NDUFA10: variants seen among roughly 807,000 people sequenced by gnomAD.
NDUFA10 encodes the protein NADH dehydrogenase [ubiquinone] 1 alpha subcomplex subunit 10, mitochondrial.
A neutral mutation model predicts 47.8 loss-of-function variants in NDUFA10; 40 were observed. The observed-to-expected ratio is 0.84, with a 90% confidence interval of 0.65 to 1.09. The LOEUF (loss-of-function observed/expected upper bound fraction) is 1.09, where lower values mean the gene tolerates loss of function less well. Ranked by LOEUF, NDUFA10 falls within the 50% of genes least tolerant of loss-of-function variation. NDUFA10 has a pLI of 0.00. For missense variants in NDUFA10, 413 were observed against 451.1 expected, an observed-to-expected ratio of 0.92 and a Z score of 0.76; for synonymous variants, 183 against 172.2, an observed-to-expected ratio of 1.06 and a Z score of -0.49.
intron 8 of NDUFA10, among the ~76,000 whole-genome samples, chr2:240,003,827 G>A (rs997438055): frequency 6.6e-5 from 10 of 152,140 alleles, no homozygotes; most frequent in African/African-American, 2.2e-4. Flanking sequence ...TGAGATTCCC[G>A]GGTGGCCAGC....
In NDUFA10 at chr2:239,959,172, G is replaced by A. The variant is rs1574809136; in HGVS notation, c.*1946C>T. The stretch of plus-strand genomic sequence containing the variant: ...TTACATACTTCCCACTCCATCAAGG[G>A]AATGCAACCACACAGGGTCAGACGC... On this transcript the variant is annotated 3_prime_UTR_variant, in exon 10 of 10. Coordinates refer to ENST00000252711, the MANE Select transcript of NDUFA10 (RefSeq NM_004544.4). 10 of 985,396 alleles carry A rather than the reference G, an allele frequency of 1.0e-5. No individual in the cohort carries two copies. The highest frequency in any genetic ancestry group is 9.6e-6 in the Non-Finnish European group (8 of 829,928). 61.0% of individuals were successfully genotyped at this position (985,396 alleles called of 1,614,324 possible). A position where few individuals can be genotyped will look rare whatever the true frequency, so the allele number is the denominator to read the frequency against.
intron 8 of NDUFA10, among the ~76,000 whole-genome samples, chr2:240,000,450 A>G (rs1160391445): frequency 6.6e-6 from 1 of 152,266 alleles, no homozygotes; most frequent in Non-Finnish European, 1.5e-5. Flanking sequence ...ATCAGAAAAT[A>G]CTTCTAGAAT....
intron 4 of NDUFA10, among the ~76,000 whole-genome samples, chr2:239,916,298 GACAC>G (rs1336321690): frequency 2.0e-5 from 3 of 149,096 alleles, no homozygotes; most frequent in South Asian, 2.1e-4. Context: ...CAAATATACA[GACAC>G]ACACAGACAC....
In NDUFA10 at chr2:239,960,447, G is replaced by A; in HGVS notation, c.*671C>T. The A allele has an allele frequency of 1.0e-6, 1 of 988,750 alleles. No individual in the cohort carries two copies. The highest frequency in any genetic ancestry group is 1.2e-6 in the Non-Finnish European group (1 of 831,828). 61.2% of individuals were successfully genotyped at this position (988,750 alleles called of 1,614,324 possible). The stretch of plus-strand genomic sequence containing the variant: ...TAAGCTCAAATCTCCCTTCAAAGGA[G>A]TTTGAGACGCTGAGGACGGCCACGT... On this transcript the variant is annotated 3_prime_UTR_variant, in exon 10 of 10. Transcript: ENST00000252711.
intron 8 of NDUFA10, among the ~76,000 whole-genome samples, chr2:239,991,085 G>C (rs571988658): frequency 6.6e-6 from 1 of 152,156 alleles, no homozygotes. Context: ...TTGTGAGACA[G>C]TCCAGGCCCA....
At chr2:239,956,741 C>T (rs761748959), downstream of NDUFA10, among the ~76,000 whole-genome samples, 2 of 152,124 alleles carry the variant, frequency 1.3e-5, no homozygotes, top group Non-Finnish European at 1.5e-5. Flanking sequence ...CAAACGCGCT[C>T]GTTCTGGTGG....
downstream of NDUFA10, among the ~76,000 whole-genome samples, chr2:239,955,384 TA>T (rs1694633396): frequency 2.6e-5 from 4 of 152,168 alleles, no homozygotes. Flanking sequence ...GAAGGACCAT[TA>T]GACAGCCGTC....
At chr2:239,998,384 T>A (rs1303851151) in intron 8 of NDUFA10, among the ~76,000 whole-genome samples, 4 of 152,176 alleles carry the variant, frequency 2.6e-5, no homozygotes, top group Non-Finnish European at 5.9e-5. Flanking sequence ...AAACCACATC[T>A]CCTAGGTTCG....
chr2:240,002,182 T>A (rs1696746773), intron 8 of NDUFA10, among the ~76,000 whole-genome samples: 1 of 151,868 alleles, frequency 6.6e-6, no homozygotes, highest in Admixed American at 6.5e-5. Context: ...ATACAAAAAA[T>A]TAGCCGGGTA....
intron 8 of NDUFA10, among the ~76,000 whole-genome samples, chr2:240,004,903 C>G (rs1289979969): frequency 6.6e-6 from 1 of 152,212 alleles, no homozygotes; most frequent in African/African-American, 2.4e-5. Flanking sequence ...TATTTGTTTA[C>G]TCTGTCTCAC....
rs541106551 is a variant in NDUFA10 at position 240,008,390 on chromosome 2, G to A, written c.750-1020C>T. Among the ~76,000 whole-genome samples the A allele has an allele frequency of 9.8e-5, 15 of 152,300 alleles. 1 individual carries two copies. In the South Asian group the frequency reaches 3.1e-3, roughly 32 times the overall value. Reference sequence around the variant, plus strand: ...AGTAACTTACTGCATTTGCCATTAGGGCTGGCAAGGAAAAGGCCACACTAA... The same window carrying A: ...AGTAACTTACTGCATTTGCCATTAGAGCTGGCAAGGAAAAGGCCACACTAA... On this transcript the variant is annotated intron_variant, in intron 6 of 9. Coordinates refer to ENST00000252711, the MANE Select transcript of NDUFA10 (RefSeq NM_004544.4).
chr2:239,932,626 CTGGAGTGCAG>C (rs2106374148), intron 4 of NDUFA10, among the ~76,000 whole-genome samples: 1 of 152,076 alleles, frequency 6.6e-6, no homozygotes, highest in East Asian at 1.9e-4. Flanking sequence ...GTCGCCCAGG[CTGGAGTGCAG>C]TGGTGGGATC....
intron 1 of NDUFA10, among the ~76,000 whole-genome samples, chr2:240,023,056 G>T (rs537046364): frequency 6.6e-6 from 1 of 152,048 alleles, no homozygotes; most frequent in African/African-American, 2.4e-5. Flanking sequence ...TGACTCTGTC[G>T]GCACCCTCAC....
chr2:239,935,697 T>C (rs1694253583), intron 4 of NDUFA10, among the ~76,000 whole-genome samples: 2 of 152,200 alleles, frequency 1.3e-5, no homozygotes, highest in Admixed American at 6.5e-5. Context: ...TGGTTTCCCC[T>C]ATACTGTTCT....
At chr2:239,964,707 G>A (rs1023678273) in intron 9 of NDUFA10, among the ~76,000 whole-genome samples, 1 of 152,166 alleles carries the variant, frequency 6.6e-6, no homozygotes, top group African/African-American at 2.4e-5. Flanking sequence ...CACTGCCGGC[G>A]AGGACACCTC....
downstream of NDUFA10, among the ~76,000 whole-genome samples, chr2:239,953,010 G>A (rs1694582222): frequency 6.6e-6 from 1 of 152,220 alleles, no homozygotes; most frequent in African/African-American, 2.4e-5. Flanking sequence ...GTCTCCACAG[G>A]GCCTTCTTGT....
intron 4 of NDUFA10, among the ~76,000 whole-genome samples, chr2:239,899,812 A>T (rs1693510450): frequency 6.6e-6 from 1 of 151,648 alleles, no homozygotes; most frequent in Non-Finnish European, 1.5e-5. Flanking sequence ...CATCCAGCAC[A>T]CAAAACCCAT....
intron 9 of NDUFA10, among the ~76,000 whole-genome samples, chr2:239,975,090 C>T (rs1266510858): frequency 6.6e-6 from 1 of 152,136 alleles, no homozygotes; most frequent in Admixed American, 6.5e-5. Context: ...ATATGTGACA[C>T]TCCGCCACCA....
At chr2:239,982,141 AC>A (rs1695803055) in intron 9 of NDUFA10, 1 of 1,612,746 alleles carries the variant, frequency 6.2e-7, no homozygotes, top group South Asian at 1.1e-5. Context: ...AGGTCTTCCC[AC>A]CTCCAAAGAC....
Sources: allele counts gnomAD v4.1 joint callset (sites outside exome capture counted in the v4.1 genomes callset), GRCh38; gene constraint gnomAD v4.1.1; transcripts MANE v1.5; gene names NCBI Gene and HGNC (gene_info 2026-07-23, HGNC 2026-07-21).